DCLK1: variants seen among roughly 807,000 people sequenced by gnomAD.
The protein encoded by DCLK1 is serine/threonine-protein kinase DCLK1.
A neutral mutation model predicts 86.2 loss-of-function variants in DCLK1; 16 were observed. The observed-to-expected ratio is 0.19, with a 90% CI of 0.13 to 0.28. The LOEUF (loss-of-function observed/expected upper bound fraction) is 0.28. Among genes scored for constraint, DCLK1 ranks in the 10% least tolerant of loss-of-function variants. The pLI, the probability that DCLK1 is intolerant of heterozygous loss-of-function variation, is 1.00. For missense variants in DCLK1, 590 were observed against 940.2 expected (o/e 0.63, Z 4.87); for synonymous variants, 369 against 370.5 (o/e 1.00, Z 0.05).
intron 11 of DCLK1, among the ~76,000 whole-genome samples, chr13:35,820,313 T>C (rs547655434): frequency 6.6e-6 from 1 of 152,310 alleles, no homozygotes; most frequent in African/African-American, 2.4e-5. Context: ...TATAGATATT[T>C]TAAAACCACA....
rs543116921 is a variant in DCLK1, at chr13:35,836,663, G to A, written c.1121-522C>T. On this transcript the variant is annotated intron_variant, in intron 7 of 16. Coordinates refer to ENST00000360631, the MANE Select transcript of DCLK1 (RefSeq NM_001330071.2). ...ATGAACTAAGCACTGATGGCCACCC[G>A]TCCTCGGTATCAACGAGCAGACTTT... Among the ~76,000 whole-genome samples the A allele has an allele frequency of 5.3e-5, 8 of 152,252 alleles. No homozygotes were observed. In the South Asian group the frequency reaches 6.2e-4, roughly 12 times the overall value.
chr13:35,879,601 T>C (rs1872770354), intron 4 of DCLK1, among the ~76,000 whole-genome samples: 1 of 152,192 alleles, frequency 6.6e-6, no homozygotes. Flanking sequence ...GTAACCCAAG[T>C]TCCTACTATC....
At chr13:35,857,254 A>C (rs1489719853) in intron 5 of DCLK1, among the ~76,000 whole-genome samples, 1 of 152,132 alleles carries the variant, frequency 6.6e-6, no homozygotes, top group Non-Finnish European at 1.5e-5. Flanking sequence ...TTTAATTGTC[A>C]TCAAACTGAC....
intron 14 of DCLK1, among the ~76,000 whole-genome samples, chr13:35,806,501 C>T (rs1368001780): frequency 1.3e-5 from 2 of 152,144 alleles, no homozygotes; most frequent in Non-Finnish European, 2.9e-5. Context: ...GTATGCTATA[C>T]AATTGTCCAC....
intron 8 of DCLK1, among the ~76,000 whole-genome samples, chr13:35,833,238 G>A (rs1292815975): frequency 6.6e-6 from 1 of 152,076 alleles, no homozygotes. Flanking sequence ...AAGAGCCACC[G>A]GGGGCACCAT....
chr13:36,000,998 G>T (rs1055083401), intron 3 of DCLK1, among the ~76,000 whole-genome samples: 3 of 151,476 alleles, frequency 2.0e-5, no homozygotes, highest in African/African-American at 7.3e-5. Context: ...GCCCAGGCTG[G>T]GGTGTAATGA....
intron 15 of DCLK1, among the ~76,000 whole-genome samples, chr13:35,796,824 T>C (rs1346173445): frequency 6.6e-6 from 1 of 152,216 alleles, no homozygotes; most frequent in African/African-American, 2.4e-5. Flanking sequence ...CAGTGAATCA[T>C]CTTTTCCATG....
intron 3 of DCLK1, among the ~76,000 whole-genome samples, chr13:36,045,370 A>ATCTC (rs1184419239): frequency 3.8e-5 from 5 of 133,172 alleles, no homozygotes; most frequent in Admixed American, 7.8e-5. Flanking sequence ...ATATATATAT[A>ATCTC]TATATATTTC....
chr13:35,914,375 A>ATATATATATATATG (rs1566600378), intron 4 of DCLK1, among the ~76,000 whole-genome samples: 3 of 84,822 alleles, frequency 3.5e-5, no homozygotes, highest in Non-Finnish European at 4.7e-5. Flanking sequence ...ATATGTATAT[A>ATATATATATATATG]TATATATATA....
At chr13:35,935,527 A>G (rs1031149221) in intron 4 of DCLK1, among the ~76,000 whole-genome samples, 2 of 152,164 alleles carry the variant, frequency 1.3e-5, no homozygotes, top group African/African-American at 4.8e-5. Context: ...CTTGGTGTTG[A>G]GAATGCTGAT....
rs1330375687 is a variant in DCLK1 at position 35,993,369 on chromosome 13, G to A, written c.724-45912C>T. Among the ~76,000 whole-genome samples, 3 of 152,114 alleles carry A rather than the reference G, an allele frequency of 2.0e-5. No homozygotes were observed. In the East Asian group the frequency reaches 5.8e-4, roughly 29 times the overall value. The stretch of plus-strand genomic sequence containing the variant: ...TTTGTCTCTTTCATGCCTCAGTTCT[G>A]TCTCTCCAGGTAGACCTTAAACTCA... On this transcript the variant is annotated intron_variant, in intron 3 of 16. Transcript: ENST00000360631.
At chr13:35,869,823 C>T (rs1872142712) in intron 5 of DCLK1, among the ~76,000 whole-genome samples, 1 of 152,150 alleles carries the variant, frequency 6.6e-6, no homozygotes, top group Admixed American at 6.5e-5. Context: ...ACTGCCCTCA[C>T]CTACTGTTTC....
intron 4 of DCLK1, among the ~76,000 whole-genome samples, chr13:35,940,201 A>C (rs1483344318): frequency 6.1e-5 from 9 of 147,420 alleles, no homozygotes; most frequent in Admixed American, 6.1e-4. Flanking sequence ...AGCCTGGGTG[A>C]CACAGCAAGA....
At chr13:35,951,104 T>C (rs895825008) in intron 3 of DCLK1, among the ~76,000 whole-genome samples, 1 of 152,140 alleles carries the variant, frequency 6.6e-6, no homozygotes, top group East Asian at 1.9e-4. Context: ...TGGCTTACTA[T>C]CCTCAAGTTA....
At chr13:35,893,005 G>C (rs555068218) in intron 4 of DCLK1, among the ~76,000 whole-genome samples, 3 of 152,216 alleles carry the variant, frequency 2.0e-5, no homozygotes, top group Non-Finnish European at 4.4e-5. Context: ...AACACAAATT[G>C]ATTTGTTTTC....
chr13:35,975,263 A>T (rs1879277705), intron 3 of DCLK1, among the ~76,000 whole-genome samples: 1 of 152,196 alleles, frequency 6.6e-6, no homozygotes, highest in African/African-American at 2.4e-5. Context: ...AGGAAAAAAC[A>T]CTTATGACCT....
At chr13:35,866,080 A>G (rs746966587) in intron 5 of DCLK1, among the ~76,000 whole-genome samples, 1 of 152,150 alleles carries the variant, frequency 6.6e-6, no homozygotes, top group Admixed American at 6.5e-5. Context: ...CCCCGGTGCC[A>G]GCCCCGAGTT....
At chr13:35,869,113 G>A (rs772271306) in intron 5 of DCLK1, 1 of 511,824 alleles carries the variant, frequency 2.0e-6, no homozygotes, top group East Asian at 5.5e-5. Context: ...TTTAATCAGA[G>A]AAAGTGAGAA....
At chr13:36,119,768 C>T (rs185010798) in intron 2 of DCLK1, among the ~76,000 whole-genome samples, 1 of 152,220 alleles carries the variant, frequency 6.6e-6, no homozygotes, top group Admixed American at 6.5e-5. Flanking sequence ...CAAGGAGAAG[C>T]AGACACAACA....
Sources: allele counts gnomAD v4.1 joint callset (sites outside exome capture counted in the v4.1 genomes callset), GRCh38; gene constraint gnomAD v4.1.1; transcripts MANE v1.5; gene names NCBI Gene and HGNC (gene_info 2026-07-23, HGNC 2026-07-21).